Variants in SEC14L1 observed in about 807,000 individuals in gnomAD.
SEC14L1 encodes the protein SEC14-like protein 1.
Under a neutral mutation model 85.3 loss-of-function variants are expected in SEC14L1, and 48 were observed. The ratio of observed to expected loss-of-function variants is 0.56; its 90% CI spans 0.45 to 0.72. SEC14L1 has a LOEUF of 0.72. Among genes scored for constraint, SEC14L1 ranks in the 30% least tolerant of loss-of-function variants. The probability of loss-of-function intolerance (pLI) is 0.00; values close to 1 mark genes in which losing one functional copy is unlikely to be tolerated. For missense variants in SEC14L1, 682 were observed against 921.4 expected, an observed-to-expected ratio of 0.74 and a Z score of 3.36; for synonymous variants, 391 against 355.5, an observed-to-expected ratio of 1.10 and a Z score of -1.12.
intron 2 of SEC14L1, 123 bp downstream of exon 2, chr17:77,142,873 G>C (rs1299164762): frequency 6.6e-6 from 1 of 152,240 alleles, no homozygotes; most frequent in Non-Finnish European, 1.5e-5. Context: ...CACCCATAAG[G>C]AGGGCTCCTT....
chr17:77,111,575 C>T (rs995417707), intron 3 of SEC14L1, among the ~76,000 whole-genome samples: 2 of 152,066 alleles, frequency 1.3e-5, no homozygotes, highest in African/African-American at 4.8e-5. Flanking sequence ...CCTCTTGCAT[C>T]AGTGTGACCT....
intron 3 of SEC14L1, among the ~76,000 whole-genome samples, chr17:77,160,982 C>T (rs1974029475): frequency 6.6e-6 from 1 of 152,116 alleles, no homozygotes; most frequent in African/African-American, 2.4e-5. Flanking sequence ...TAGAGTAAAA[C>T]GATGGGAGTA....
At chr17:77,202,581 T>C (rs919893798) in intron 9 of SEC14L1, among the ~76,000 whole-genome samples, 27 of 151,894 alleles carry the variant, frequency 1.8e-4, no homozygotes, top group Admixed American at 3.3e-4. Flanking sequence ...ATCGTGCCAG[T>C]GCACTCCAGC....
chr17:77,138,802 G>A (rs1004525718), upstream of SEC14L1, among the ~76,000 whole-genome samples: 18 of 152,192 alleles, frequency 1.2e-4, no homozygotes, highest in Admixed American at 3.3e-4. Flanking sequence ...CAAGCCTGGG[G>A]AACAGAGTGA....
At chr17:77,172,696 G>A (rs1356842490) in intron 3 of SEC14L1, among the ~76,000 whole-genome samples, 1 of 152,112 alleles carries the variant, frequency 6.6e-6, no homozygotes, top group Admixed American at 6.5e-5. Flanking sequence ...GCCCAAGAGG[G>A]TCTTCTAAAC....
At position 77,206,415 on chromosome 17, in the gene SEC14L1, T is replaced by A; in HGVS notation, c.1341+15T>A. 6.2e-7 allele frequency: 1 copy of A among 1,608,926 alleles called. No individual in the cohort carries two copies. The highest frequency in any genetic ancestry group is 8.5e-7 in the Non-Finnish European group (1 of 1,175,876). ...TCTGGACGCTGGTGGGTTGAGATGCTTTTTGCAGTAACTGTGAGCCATTTG... is the reference window on the plus strand; with the variant it reads ...TCTGGACGCTGGTGGGTTGAGATGCATTTTGCAGTAACTGTGAGCCATTTG... On this transcript the variant is annotated intron_variant, in intron 12 of 16. Coordinates refer to ENST00000436233, the MANE Select transcript of SEC14L1 (RefSeq NM_001143998.2). This position sits in a 1 kb window ranked among gnomAD's most constrained non-coding sequence, Gnocchi z 4.3.
At chr17:77,188,917 TG>T (rs1275403971) in intron 3 of SEC14L1, among the ~76,000 whole-genome samples, 1 of 152,220 alleles carries the variant, frequency 6.6e-6, no homozygotes, top group Non-Finnish European at 1.5e-5. Flanking sequence ...ATTTGCCATC[TG>T]TGTGTCCTCT....
At chr17:77,161,712 C>CTTT (rs763767954) in intron 3 of SEC14L1, among the ~76,000 whole-genome samples, 1,544 of 103,014 alleles carry the variant, frequency 0.015, 45 homozygotes, top group African/African-American at 0.05. Context: ...TAAATTGGTT[C>CTTT]TTTTTTTTTT....
intron 2 of SEC14L1, chr17:77,090,166 G>A (rs1971473760): frequency 6.6e-6 from 1 of 151,890 alleles, no homozygotes; most frequent in Non-Finnish European, 1.5e-5. Context: ...TGGGTGCAGT[G>A]GCATATGCCT....
intron 3 of SEC14L1, among the ~76,000 whole-genome samples, chr17:77,187,919 A>G (rs1975343898): frequency 6.6e-6 from 1 of 151,216 alleles, no homozygotes; most frequent in Non-Finnish European, 1.5e-5. Context: ...TAATTTTTAT[A>G]TTTTTTGTAG....
At chr17:77,155,432 T>C (rs903733021) in intron 3 of SEC14L1, among the ~76,000 whole-genome samples, 6 of 152,114 alleles carry the variant, frequency 3.9e-5, no homozygotes. Context: ...GCAGGTACCT[T>C]ACCCTCAGAG....
chr17:77,153,228 G>A (rs373033338), intron 3 of SEC14L1, among the ~76,000 whole-genome samples: 49 of 152,202 alleles, frequency 3.2e-4, no homozygotes, highest in South Asian at 2.1e-4. Flanking sequence ...CACCACGCCC[G>A]GCTAATTTTT....
intron 3 of SEC14L1, among the ~76,000 whole-genome samples, chr17:77,162,659 C>G (rs1974115208): frequency 6.6e-6 from 1 of 151,926 alleles, no homozygotes; most frequent in South Asian, 2.1e-4. Flanking sequence ...ATGGAGAAAC[C>G]CGTCTCTACT....
chr17:77,130,506 C>T (rs530093919), intron 3 of SEC14L1, among the ~76,000 whole-genome samples: 3 of 152,062 alleles, frequency 2.0e-5, no homozygotes, highest in South Asian at 2.1e-4. Context: ...TTAGTAGTGA[C>T]GGGGTTTCAC....
At chr17:77,165,036 G>A (rs571497027) in intron 3 of SEC14L1, among the ~76,000 whole-genome samples, 12 of 152,202 alleles carry the variant, frequency 7.9e-5, no homozygotes, top group African/African-American at 2.9e-4. Context: ...ACCTGTAACC[G>A]GAAACCTCTG....
intron 3 of SEC14L1, among the ~76,000 whole-genome samples, chr17:77,190,072 C>G (rs1254788): frequency 6.6e-6 from 1 of 151,842 alleles, no homozygotes; most frequent in African/African-American, 2.4e-5. Flanking sequence ...TATTTTTTTT[C>G]CCTAAAAGTT....
At position 77,193,995 on chromosome 17, in the gene SEC14L1, A is replaced by G. The variant is rs16969736; in HGVS notation, c.474+446A>G. 5.6e-4 allele frequency among the ~76,000 whole-genome samples: 85 copies of G among 152,288 alleles called. No individual in the cohort carries two copies. In the East Asian group the frequency reaches 0.013, roughly 23 times the overall value. ...TTAGGGAATTGTGGTTTTGAAATCT[A>G]TCCGTGTGGGATTATGGAGTGGTTT... On this transcript the variant is annotated intron_variant, in intron 6 of 16. Coordinates refer to ENST00000436233, the MANE Select transcript of SEC14L1 (RefSeq NM_001143998.2).
intron 3 of SEC14L1, among the ~76,000 whole-genome samples, chr17:77,159,326 C>A (rs1327453353): frequency 6.6e-6 from 1 of 151,778 alleles, no homozygotes; most frequent in Non-Finnish European, 1.5e-5. Flanking sequence ...CTGGGCCTCC[C>A]AAAGTGCTGG....
Position 77,213,256 on chromosome 17 carries a change from G to T in SEC14L1, c.1864-58G>T. 6.8e-7 allele frequency: 1 copy of T among 1,462,038 alleles called. No homozygotes were observed. The allele number at this position is 1,462,038 out of a possible 1,614,324, so 90.6% of individuals were successfully genotyped here. A position where few individuals can be genotyped will look rare whatever the true frequency, so the allele number is the denominator to read the frequency against. On this transcript the variant is annotated intron_variant, in intron 15 of 16. Coordinates refer to ENST00000436233, the MANE Select transcript of SEC14L1 (RefSeq NM_001143998.2). The surrounding 1 kb of genome is among the most constrained non-coding windows in gnomAD (Gnocchi z 7.1). ...TCCCCTTGGCGCTTGTCAGGCCTGT[G>T]GTAGGCCAGGGGTCGGAAGCGAGTC...
Sources: gnomAD v4.1 joint callset for allele counts (sites outside exome capture counted in the v4.1 genomes callset) on GRCh38, gnomAD v4.1.1 for gene constraint, Gnocchi (gnomAD v3.1) non-coding constraint, MANE v1.5 for transcripts, NCBI Gene and HGNC (gene_info 2026-07-23, HGNC 2026-07-21) for gene names.